Variants in CDH13 observed in about 807,000 individuals in gnomAD.
CDH13 encodes cadherin 13.
A neutral mutation model predicts 63.8 loss-of-function variants in CDH13; 24 were observed. The observed-to-expected ratio is 0.38, with a 90% CI of 0.27 to 0.53. The LOEUF (loss-of-function observed/expected upper bound fraction) is 0.53, where lower values mean the gene tolerates loss of function less well. Ranked by LOEUF, CDH13 falls within the 20% of genes least tolerant of loss-of-function variation. The pLI, the probability that CDH13 is intolerant of heterozygous loss-of-function variation, is 0.85. For missense variants in CDH13, 1,049 were observed against 903.1 expected (o/e 1.16, Z -2.07); for synonymous variants, 503 against 355.3 (o/e 1.42, Z -4.67).
intron 6 of CDH13, among the ~76,000 whole-genome samples, chr16:83,460,899 G>A (rs1221922308): frequency 3.3e-5 from 5 of 151,018 alleles, no homozygotes; most frequent in African/African-American, 4.9e-5. Context: ...AGCTGCTTGG[G>A]ATGCTTAAGC....
intron 1 of CDH13, among the ~76,000 whole-genome samples, chr16:82,807,701 T>C (rs2037218523): frequency 6.6e-6 from 1 of 152,290 alleles, no homozygotes; most frequent in African/African-American, 2.4e-5. Context: ...ATGTGCTTCC[T>C]GTTTCTTACA....
At chr16:83,123,467 C>G (rs192089733) in intron 3 of CDH13, among the ~76,000 whole-genome samples, 1 of 151,856 alleles carries the variant, frequency 6.6e-6, no homozygotes, top group Non-Finnish European at 1.5e-5. Flanking sequence ...TTAGTAGAGA[C>G]GAGGTTTCTC....
chr16:83,229,106 G>A (rs573884219), intron 5 of CDH13, among the ~76,000 whole-genome samples: 124 of 152,312 alleles, frequency 8.1e-4, no homozygotes, highest in Non-Finnish European at 1.4e-3. Flanking sequence ...TAAGGTGCTT[G>A]GATTTTACTC....
At chr16:82,708,007 G>A (rs1425432292) in intron 1 of CDH13, among the ~76,000 whole-genome samples, 1 of 152,184 alleles carries the variant, frequency 6.6e-6, no homozygotes, top group Non-Finnish European at 1.5e-5. Flanking sequence ...TTTGCCCTGT[G>A]TAATCATTCC....
chr16:82,946,694 G>A (rs1012123370), intron 2 of CDH13, among the ~76,000 whole-genome samples: 16 of 151,384 alleles, frequency 1.1e-4, no homozygotes, highest in Non-Finnish European at 1.3e-4. Flanking sequence ...GCACTCCAGC[G>A]TGGGTGACAG....
chr16:83,418,236 T>C (rs755076697), intron 6 of CDH13, among the ~76,000 whole-genome samples: 1 of 152,174 alleles, frequency 6.6e-6, no homozygotes, highest in African/African-American at 2.4e-5. Context: ...ATGTGATTAT[T>C]TGGAGGATTA....
intron 4 of CDH13, among the ~76,000 whole-genome samples, chr16:83,138,172 G>T (rs2036379474): frequency 6.6e-6 from 1 of 152,170 alleles, no homozygotes; most frequent in African/African-American, 2.4e-5. Flanking sequence ...AAGAGAGTCA[G>T]TTGATGCCTC....
intron 1 of CDH13, among the ~76,000 whole-genome samples, chr16:82,784,397 G>T (rs187675141): frequency 6.6e-6 from 1 of 152,312 alleles, no homozygotes; most frequent in East Asian, 1.9e-4. Flanking sequence ...ACCAGCAAGG[G>T]CAATGAGGAA....
intron 1 of CDH13, among the ~76,000 whole-genome samples, chr16:82,734,732 C>T (rs1014818403): frequency 2.6e-5 from 4 of 152,148 alleles, no homozygotes; most frequent in African/African-American, 9.7e-5. Flanking sequence ...CAGAATTGAC[C>T]CTGTTTGGCC....
chr16:83,354,010 A>T (rs901142483), intron 6 of CDH13, among the ~76,000 whole-genome samples: 3 of 152,256 alleles, frequency 2.0e-5, no homozygotes, highest in Non-Finnish European at 4.4e-5. Context: ...TGAGTAACTT[A>T]ATTAAAATAA....
intron 10 of CDH13, among the ~76,000 whole-genome samples, chr16:83,687,989 G>A (rs773933870): frequency 5.3e-5 from 8 of 152,130 alleles, no homozygotes; most frequent in African/African-American, 2.4e-5. Context: ...TTTCTGACCT[G>A]GATGCTTTTT....
At chr16:83,704,825 C>T (rs765843618) in intron 10 of CDH13, among the ~76,000 whole-genome samples, 4 of 152,162 alleles carry the variant, frequency 2.6e-5, no homozygotes, top group Admixed American at 6.5e-5. Context: ...GCTCCAATTT[C>T]AGGAAAATAG....
intron 2 of CDH13, among the ~76,000 whole-genome samples, chr16:82,914,826 T>C (rs1340689417): frequency 6.6e-6 from 1 of 152,204 alleles, no homozygotes; most frequent in Non-Finnish European, 1.5e-5. Context: ...TGCAGTTCAT[T>C]AATCAGACTC....
intron 2 of CDH13, among the ~76,000 whole-genome samples, chr16:82,949,854 A>G (rs919289929): frequency 6.6e-6 from 1 of 152,128 alleles, no homozygotes; most frequent in Non-Finnish European, 1.5e-5. Context: ...AGTGACTGAT[A>G]AAAGCCAGGA....
At chr16:83,610,317 T>G (rs1424137683) in intron 8 of CDH13, among the ~76,000 whole-genome samples, 1 of 152,214 alleles carries the variant, frequency 6.6e-6, no homozygotes, top group Non-Finnish European at 1.5e-5. Context: ...CATTTCAAAA[T>G]GCGTTTCTAA....
At chr16:82,640,062 G>C (rs1909197772) in intron 1 of CDH13, among the ~76,000 whole-genome samples, 1 of 152,244 alleles carries the variant, frequency 6.6e-6, no homozygotes, top group Non-Finnish European at 1.5e-5. Flanking sequence ...CGTGGAGTTT[G>C]TGTTCTGATA....
chr16:83,644,517 C>G (rs1381037385), intron 8 of CDH13, among the ~76,000 whole-genome samples: 3 of 152,216 alleles, frequency 2.0e-5, no homozygotes, highest in Non-Finnish European at 2.9e-5. Flanking sequence ...AGTATGAGCA[C>G]TTTACATTGC....
At chr16:82,630,177 GA>G (rs1907834242) in intron 1 of CDH13, among the ~76,000 whole-genome samples, 1 of 152,176 alleles carries the variant, frequency 6.6e-6, no homozygotes, top group African/African-American at 2.4e-5. Context: ...TTTATTTGCA[GA>G]ACTTTTTGGA....
rs5818456 is a variant in CDH13, at chr16:83,561,426, C to CAA, written c.961-41009_961-41008dup. On this transcript the variant is annotated intron_variant, in intron 7 of 13. Coordinates refer to ENST00000567109, the MANE Select transcript of CDH13 (RefSeq NM_001257.5). Reference sequence around the variant, plus strand: ...GAGCAACAAGAGGGAAACACCATCTCAAAAAAAAAAAAAAAAAAAACTTCA... The same window carrying CAA: ...GAGCAACAAGAGGGAAACACCATCTCAAAAAAAAAAAAAAAAAAAAAACTTCA... 5.1e-3 allele frequency among the ~76,000 whole-genome samples: 577 copies of CAA among 114,104 alleles called. 1 individual carries two copies. Among genetic ancestry groups the CAA allele is most frequent in the Non-Finnish European group, 6.7e-3 (373 of 55,738 alleles). 74.9% of individuals were successfully genotyped at this position (114,104 alleles called of 152,430 possible). A position where few individuals can be genotyped will look rare whatever the true frequency, so the allele number is the denominator to read the frequency against.
Sources: allele counts gnomAD v4.1 joint callset (sites outside exome capture counted in the v4.1 genomes callset), GRCh38; gene constraint gnomAD v4.1.1; transcripts MANE v1.5; gene names NCBI Gene and HGNC (gene_info 2026-07-23, HGNC 2026-07-21).